The following PPP2R2C variants were observed in gnomAD, a reference collection of about 807,000 sequenced individuals.
PPP2R2C encodes the protein protein phosphatase 2 regulatory subunit Bgamma, also known as protein phosphatase 2, regulatory subunit B, gamma.
A neutral mutation model predicts 45.3 loss-of-function variants in PPP2R2C; 10 were observed. That is an observed-to-expected ratio of 0.22 (90% CI 0.14 to 0.37). The LOEUF is 0.37. Among genes scored for constraint, PPP2R2C ranks in the 10% least tolerant of loss-of-function variants. The pLI, the probability that PPP2R2C is intolerant of heterozygous loss-of-function variation, is 1.00. For synonymous variants in PPP2R2C, 257 were observed against 245.4 expected (o/e 1.05, Z -0.44); for missense variants, 308 against 619.7 (o/e 0.50, Z 5.34).
chr4:6,538,146 CA>C, intron 1 of PPP2R2C, among the ~76,000 whole-genome samples: 1 of 151,280 alleles, frequency 6.6e-6, no homozygotes, highest in East Asian at 1.9e-4. Flanking sequence ...AAAAACAATC[CA>C]AAAAAAAAGT....
intron 1 of PPP2R2C, among the ~76,000 whole-genome samples, chr4:6,400,180 A>G (rs113658189): frequency 0.013 from 1,940 of 152,258 alleles, 43 homozygotes; most frequent in African/African-American, 0.044. Flanking sequence ...CCAACTACAT[A>G]TCTGTTTGAG....
chr4:6,443,292 C>A (rs1217519763), intron 1 of PPP2R2C, among the ~76,000 whole-genome samples: 1 of 152,230 alleles, frequency 6.6e-6, no homozygotes, highest in Admixed American at 6.5e-5. Flanking sequence ...TCTCTGAAAA[C>A]TGAATTTGGC....
chr4:6,401,637 G>C (rs760269201), intron 1 of PPP2R2C, among the ~76,000 whole-genome samples: 3 of 152,220 alleles, frequency 2.0e-5, no homozygotes, highest in South Asian at 2.1e-4. Context: ...CCTCCTCTGT[G>C]TGATCTCATG....
chr4:6,444,960 G>T (rs1444347259), intron 1 of PPP2R2C, among the ~76,000 whole-genome samples: 1 of 152,190 alleles, frequency 6.6e-6, no homozygotes, highest in African/African-American at 2.4e-5. Flanking sequence ...CAAGGCAGGT[G>T]GATCCCTTCA....
chr4:6,337,039 CATCTCACATGAT>C (rs1232477285), intron 6 of PPP2R2C, among the ~76,000 whole-genome samples: 7 of 105,624 alleles, frequency 6.6e-5, no homozygotes, highest in Non-Finnish European at 1.2e-4. Context: ...TCTAATTGGT[CATCTCACATGAT>C]AATGTTTTGT....
chr4:6,539,642 T>G (rs952793705), intron 1 of PPP2R2C, among the ~76,000 whole-genome samples: 1 of 152,194 alleles, frequency 6.6e-6, no homozygotes, highest in Non-Finnish European at 1.5e-5. Flanking sequence ...AAGCCCAGAC[T>G]ACAGAAGCGC....
chr4:6,543,373 C>A (rs1034419865), intron 1 of PPP2R2C, among the ~76,000 whole-genome samples: 2 of 152,036 alleles, frequency 1.3e-5, no homozygotes, highest in African/African-American at 4.8e-5. Flanking sequence ...ATGGGCCAAC[C>A]AGGGCAGCCA....
At chr4:6,417,184 A>C (rs1718648845) in intron 1 of PPP2R2C, among the ~76,000 whole-genome samples, 1 of 152,046 alleles carries the variant, frequency 6.6e-6, no homozygotes, top group Admixed American at 6.6e-5. Flanking sequence ...GGGGGATGCC[A>C]TTTACCAGAC....
chr4:6,558,697 G>C (rs141900382), intron 1 of PPP2R2C, among the ~76,000 whole-genome samples: 59 of 152,224 alleles, frequency 3.9e-4, no homozygotes, highest in African/African-American at 1.4e-3. Flanking sequence ...CCAGCAAAGA[G>C]TGCAACAGTG....
At chr4:6,340,389 G>C (rs549461245) in intron 6 of PPP2R2C, among the ~76,000 whole-genome samples, 1,077 of 40,240 alleles carry the variant, frequency 0.027, 15 homozygotes, top group African/African-American at 0.049. Flanking sequence ...ATGCATCAGA[G>C]GGCTCCTGAT....
chr4:6,482,256 TA>T (rs1440317521), intron 2 of PPP2R2C, among the ~76,000 whole-genome samples: 3 of 152,220 alleles, frequency 2.0e-5, no homozygotes, highest in Non-Finnish European at 4.4e-5. Flanking sequence ...TAAACTCAAT[TA>T]ATCTTCCCAG....
intron 8 of PPP2R2C, 94 bp from the exon 9 acceptor site, chr4:6,323,687 G>C: frequency 3.8e-6 from 5 of 1,309,298 alleles, no homozygotes; most frequent in Non-Finnish European, 5.0e-6. Context: ...CATAATCCCA[G>C]GACTTTGGGA....
At chr4:6,395,050 G>A (rs931624209) in intron 1 of PPP2R2C, among the ~76,000 whole-genome samples, 5 of 152,110 alleles carry the variant, frequency 3.3e-5, no homozygotes, top group Admixed American at 1.3e-4. Context: ...TCACCCGCGA[G>A]CCTGCAGCCG....
At chr4:6,369,880 C>T (rs1714660358) in intron 5 of PPP2R2C, among the ~76,000 whole-genome samples, 1 of 152,228 alleles carries the variant, frequency 6.6e-6, no homozygotes, top group South Asian at 2.1e-4. Context: ...TCCCATTCAT[C>T]CCCATGTCCC....
At chr4:6,524,886 T>G (rs1335669243) in intron 2 of PPP2R2C, among the ~76,000 whole-genome samples, 1 of 149,416 alleles carries the variant, frequency 6.7e-6, no homozygotes, top group African/African-American at 2.5e-5. Context: ...CCCAAGAGTT[T>G]GAGAGCAGCC....
rs144935113 is a variant in PPP2R2C at position 6,375,864 on chromosome 4, A to G, written c.402T>C (p.Asp134=). ...DKRPEGYNLK[D]EEGKLKDLST... is the part of the protein sequence containing the mutation. ...ACAGGTCCTTAAGTTTCCCCTCTTC[A>G]TCCTTCAGGTTGTATCCTTCGGGCC... The change falls in exon 4 of 9, where the codon GAT becomes GAC. Residue 134 remains aspartate (D), a synonymous_variant. Coordinates refer to ENST00000382599, the MANE Select transcript of PPP2R2C (RefSeq NM_020416.4). The G allele has an allele frequency of 1.9e-5, 31 of 1,614,034 alleles. No homozygotes were observed. The African/African-American group carries it at 3.2e-4, about 17-fold the overall frequency.
intron 2 of PPP2R2C, among the ~76,000 whole-genome samples, chr4:6,512,581 G>GTGGTGA (rs1723688946): frequency 6.2e-5 from 7 of 112,418 alleles, no homozygotes; most frequent in Admixed American, 6.2e-4. Flanking sequence ...GATGGTGATG[G>GTGGTGA]TGGTGATGGT....
chr4:6,429,590 G>A (rs116830309), intron 1 of PPP2R2C, among the ~76,000 whole-genome samples: 315 of 152,214 alleles, frequency 2.1e-3, no homozygotes, highest in African/African-American at 7.5e-3. Flanking sequence ...CCTCAGTCTC[G>A]CCTGCTGCTG....
chr4:6,383,955 T>C (rs1716042022), intron 1 of PPP2R2C: 1 of 985,534 alleles, frequency 1.0e-6, no homozygotes, highest in Non-Finnish European at 1.2e-6. Flanking sequence ...GAGAGGGTGG[T>C]TAGAAGTGGG....
Sources: allele counts gnomAD v4.1 joint callset (sites outside exome capture counted in the v4.1 genomes callset), GRCh38; gene constraint gnomAD v4.1.1; transcripts MANE v1.5; gene names NCBI Gene and HGNC (gene_info 2026-07-23, HGNC 2026-07-21).